Variants in ACSM3 observed in about 807,000 individuals in gnomAD.
The protein encoded by ACSM3 is acyl-CoA synthetase medium chain family member 3, also known as acyl-coenzyme A synthetase ACSM3, mitochondrial.
Under a neutral mutation model 74.1 loss-of-function variants are expected in ACSM3, and 61 were observed. That is an observed-to-expected ratio of 0.82 (90% CI 0.67 to 1.02). ACSM3 has a LOEUF of 1.02. ACSM3 is among the 50% of genes least tolerant of loss of function. ACSM3 has a pLI of 0.00. For missense variants in ACSM3, 660 were observed against 697.0 expected, an observed-to-expected ratio of 0.95 and a Z score of 0.60; for synonymous variants, 213 against 241.5, an observed-to-expected ratio of 0.88 and a Z score of 1.09.
chr16:20,765,108 T>G (rs2080112095), intron 1 of ACSM3, among the ~76,000 whole-genome samples: 1 of 152,210 alleles, frequency 6.6e-6, no homozygotes, highest in Admixed American at 6.5e-5. Context: ...AGCTTGCATT[T>G]CAGATGAGAC....
chr16:20,735,195 T>C (rs911776077), intron 1 of ACSM3: 15 of 152,194 alleles, frequency 9.9e-5, no homozygotes, highest in African/African-American at 3.4e-4. Flanking sequence ...ATAGGCTACT[T>C]TCTGTAGTCA....
At chr16:20,724,548 G>A (rs1031566737) in intron 1 of ACSM3, among the ~76,000 whole-genome samples, 3 of 152,130 alleles carry the variant, frequency 2.0e-5, no homozygotes, top group African/African-American at 7.2e-5. Flanking sequence ...GGCAGGAGAA[G>A]GAAATAAAGG....
At chr16:20,741,377 GA>G in intron 1 of ACSM3, 1 of 1,166,520 alleles carries the variant, frequency 8.6e-7, no homozygotes, top group Non-Finnish European at 1.2e-6. Flanking sequence ...AAACGCCGGC[GA>G]GGCCACGCCC....
Position 20,690,975 on chromosome 16 carries a change from G to A in ACSM3, c.-190+16153G>A, listed in dbSNP as rs373295749. On this transcript the variant is annotated intron_variant, in intron 1 of 3. Coordinates refer to the ACSM3 transcript ENST00000561584. ...GTGAGGCCACCCTTGTTCTTATATC[G>A]CCATCACGGCAGATCTCTTACCTTC... The A allele has an allele frequency of 1.5e-5, 24 of 1,594,012 alleles. No individual in the cohort carries two copies. In the Admixed American group the frequency reaches 3.3e-4, roughly 22 times the overall value.
intron 3 of ACSM3, among the ~76,000 whole-genome samples, chr16:20,758,243 G>A (rs1216184910): frequency 6.6e-6 from 1 of 152,158 alleles, no homozygotes; most frequent in African/African-American, 2.4e-5. Flanking sequence ...GGTAGAATTC[G>A]GCTGTGAATC....
chr16:20,789,391 A>G, intron 9 of ACSM3: 1 of 941,938 alleles, frequency 1.1e-6, no homozygotes, highest in Non-Finnish European at 1.7e-6. Flanking sequence ...TGTATTAAGT[A>G]CTTAATAAAT....
chr16:20,759,312 C>G (rs558374549), upstream of ACSM3, among the ~76,000 whole-genome samples: 2 of 152,254 alleles, frequency 1.3e-5, no homozygotes, highest in South Asian at 2.1e-4. Flanking sequence ...AATCCCAGCA[C>G]TTTGGGAGGC....
rs150675046 is a variant in ACSM3, at chr16:20,791,480, G to A, written c.1327-522G>A. Among the ~76,000 whole-genome samples, 236 of 152,300 alleles carry A rather than the reference G, an allele frequency of 1.5e-3. 3 individuals carry two copies. The highest frequency in any genetic ancestry group is 6.8e-3 in the South Asian group (33 of 4,828). On this transcript the variant is annotated intron_variant, in intron 10 of 13. Transcript: ENST00000289416. ...ATCTATCTAAGAAAAATCTCAAGAT[G>A]GAAACATGACTAATCTTTGTAACTG... is the stretch of plus-strand genomic sequence containing the variant.
intron 3 of ACSM3, 88 bp from the exon 4 acceptor site, chr16:20,777,285 T>C (rs2080266884): frequency 1.6e-6 from 2 of 1,217,872 alleles, no homozygotes; most frequent in South Asian, 3.0e-5. Flanking sequence ...CTCTGAGAAA[T>C]ACAGAATGTA....
intron 4 of ACSM3, among the ~76,000 whole-genome samples, chr16:20,777,791 T>C (rs1255063231): frequency 1.3e-5 from 2 of 152,152 alleles, no homozygotes; most frequent in Admixed American, 1.3e-4. Flanking sequence ...AGATTGGAGA[T>C]TGGTGTATAG....
At chr16:20,711,634 T>G in intron 1 of ACSM3, 1 of 927,344 alleles carries the variant, frequency 1.1e-6, no homozygotes. Flanking sequence ...ACTCCTGGTG[T>G]CTCCACAAAG....
At chr16:20,689,464 G>A (rs1008857749) in intron 1 of ACSM3, among the ~76,000 whole-genome samples, 1 of 151,888 alleles carries the variant, frequency 6.6e-6, no homozygotes, top group Non-Finnish European at 1.5e-5. Flanking sequence ...CCTGTCAGTA[G>A]TTACTTTAAA....
intron 1 of ACSM3, among the ~76,000 whole-genome samples, chr16:20,742,813 A>ATATATAT (rs61582869): frequency 8.2e-4 from 55 of 66,832 alleles, no homozygotes; most frequent in Middle Eastern, 7.7e-3. Flanking sequence ...ATATATATAT[A>ATATATAT]TTTTTTTTTT....
chr16:20,743,418 TGGC>T (rs2079944899), intron 1 of ACSM3, among the ~76,000 whole-genome samples: 1 of 152,184 alleles, frequency 6.6e-6, no homozygotes, highest in Non-Finnish European at 1.5e-5. Context: ...TCCATAGTCT[TGGC>T]AACTTATCAT....
intron 1 of ACSM3, among the ~76,000 whole-genome samples, chr16:20,675,708 T>G (rs2020238080): frequency 6.6e-6 from 1 of 152,186 alleles, no homozygotes; most frequent in Non-Finnish European, 1.5e-5. Flanking sequence ...TATAGGTAAA[T>G]TGGCTGTGTG....
At chr16:20,770,698 C>T (rs1345949114) in intron 2 of ACSM3, among the ~76,000 whole-genome samples, 1 of 152,142 alleles carries the variant, frequency 6.6e-6, no homozygotes, top group Non-Finnish European at 1.5e-5. Flanking sequence ...AAAGAAATGA[C>T]ATGGCTTCCA....
intron 1 of ACSM3, among the ~76,000 whole-genome samples, chr16:20,720,727 A>G (rs943125205): frequency 1.3e-5 from 2 of 152,268 alleles, no homozygotes; most frequent in Non-Finnish European, 2.9e-5. Context: ...CTACATTTGT[A>G]AAATAAGAAG....
intron 1 of ACSM3, chr16:20,734,162 G>A (rs1326034311): frequency 6.6e-6 from 1 of 152,488 alleles, no homozygotes; most frequent in Non-Finnish European, 1.5e-5. Flanking sequence ...AAATCTTTCC[G>A]TAAAATAGCA....
chr16:20,765,149 G>A (rs1312716028), intron 1 of ACSM3, among the ~76,000 whole-genome samples: 1 of 152,164 alleles, frequency 6.6e-6, no homozygotes, highest in East Asian at 1.9e-4. Context: ...TATCTGACCA[G>A]GGGTGGTACT....
Sources: gnomAD v4.1 joint callset for allele counts (sites outside exome capture counted in the v4.1 genomes callset) on GRCh38, gnomAD v4.1.1 for gene constraint, MANE v1.5 for transcripts, NCBI Gene and HGNC (gene_info 2026-07-23, HGNC 2026-07-21) for gene names.